CSMD1: variants seen among roughly 807,000 people sequenced by gnomAD.
CSMD1 encodes CUB and Sushi multiple domains 1, also known as CUB and sushi domain-containing protein 1.
Under a neutral mutation model 417.5 loss-of-function variants are expected in CSMD1, and 213 were observed. That is an observed-to-expected ratio of 0.51 (90% CI 0.46 to 0.57). The LOEUF is 0.57. CSMD1 is among the 20% of genes least tolerant of loss of function. The probability of loss-of-function intolerance (pLI) is 0.00; values close to 1 mark genes in which losing one functional copy is unlikely to be tolerated. For missense variants in CSMD1, 6,923 were observed against 4,529.7 expected (o/e 1.53, Z -15.17); for synonymous variants, 2,862 against 1,736.8 (o/e 1.65, Z -16.11).
intron 1 of CSMD1, among the ~76,000 whole-genome samples, chr8:4,764,670 A>G (rs952287489): frequency 7.0e-6 from 1 of 142,888 alleles, no homozygotes. Context: ...ACTTTTCAAA[A>G]CATAAAAATT....
At chr8:4,627,859 C>A (rs548331214) in intron 2 of CSMD1, among the ~76,000 whole-genome samples, 1 of 152,102 alleles carries the variant, frequency 6.6e-6, no homozygotes, top group Non-Finnish European at 1.5e-5. Context: ...AAGGTTTTCA[C>A]CCTTGGCATT....
Position 4,054,263 on chromosome 8 carries a change from G to A in CSMD1, c.416-22164C>T, listed in dbSNP as rs139608955. 3.0e-4 allele frequency among the ~76,000 whole-genome samples: 40 copies of A among 132,218 alleles called. No homozygotes were observed. The East Asian group carries it at 8.7e-3, about 29-fold the overall frequency. The allele number at this position is 132,218 out of a possible 152,430, so 86.7% of individuals were successfully genotyped here. On this transcript the variant is annotated intron_variant, in intron 3 of 69. Transcript: ENST00000635120. ...GACAAATGACGACTTTGAGAGTTAA[G>A]AGGTGACGGGGAAGTGAAGATGTGG...
At chr8:4,922,438 T>A (rs1474762317) in intron 1 of CSMD1, among the ~76,000 whole-genome samples, 1 of 152,230 alleles carries the variant, frequency 6.6e-6, no homozygotes, top group Admixed American at 6.5e-5. Flanking sequence ...AAATGATATT[T>A]AGCAATAAGA....
At chr8:4,718,919 G>A (rs1349612303) in intron 1 of CSMD1, among the ~76,000 whole-genome samples, 2 of 152,022 alleles carry the variant, frequency 1.3e-5, no homozygotes, top group East Asian at 3.9e-4. Flanking sequence ...ATTAAAAAAT[G>A]AGAATGTTCA....
At chr8:3,002,703 G>C (rs1807518606) in intron 52 of CSMD1, among the ~76,000 whole-genome samples, 1 of 152,170 alleles carries the variant, frequency 6.6e-6, no homozygotes, top group African/African-American at 2.4e-5. Context: ...CACATAGTTT[G>C]AAGTTGCACT....
chr8:3,253,945 A>T (rs1012647566), intron 26 of CSMD1, among the ~76,000 whole-genome samples: 9 of 152,140 alleles, frequency 5.9e-5, no homozygotes, highest in South Asian at 4.1e-4. Flanking sequence ...TTTGCTCATT[A>T]GTTGATGCTG....
intron 3 of CSMD1, among the ~76,000 whole-genome samples, chr8:4,042,035 G>A (rs769210477): frequency 1.3e-5 from 2 of 151,938 alleles, no homozygotes; most frequent in Admixed American, 6.6e-5. Context: ...ATGAACTTTG[G>A]GACATCTCCA....
intron 2 of CSMD1, among the ~76,000 whole-genome samples, chr8:4,424,808 G>C (rs1443275011): frequency 6.6e-6 from 1 of 152,002 alleles, no homozygotes; most frequent in African/African-American, 2.4e-5. Flanking sequence ...TTATACCATA[G>C]TTTTGCCGGT....
chr8:3,628,650 G>A lies in CSMD1; in HGVS notation c.1010-11853C>T, dbSNP rs987182858. Among the ~76,000 whole-genome samples the A allele has an allele frequency of 2.6e-5, 4 of 152,152 alleles. No homozygotes were observed. The South Asian group carries it at 8.3e-4, about 32-fold the overall frequency. On this transcript the variant is annotated intron_variant, in intron 7 of 69. Transcript: ENST00000635120. Reference sequence around the variant, plus strand: ...GGAGGCAGCTCCCGCAGAGGGGAGGGCATGGGCATCCTCACAGGCGCCCCG... The same window carrying A: ...GGAGGCAGCTCCCGCAGAGGGGAGGACATGGGCATCCTCACAGGCGCCCCG...
chr8:3,279,670 A>T (rs1222597135), intron 26 of CSMD1, among the ~76,000 whole-genome samples: 1 of 152,066 alleles, frequency 6.6e-6, no homozygotes. Flanking sequence ...GGTTTAATTA[A>T]CTCACAGTTC....
At chr8:4,944,326 G>C (rs1038061558) in intron 1 of CSMD1, among the ~76,000 whole-genome samples, 15 of 152,200 alleles carry the variant, frequency 9.9e-5, no homozygotes, top group African/African-American at 3.4e-4. Context: ...ACCAAGAGAA[G>C]AAAGCTAGTT....
chr8:3,586,299 T>A lies in CSMD1; in HGVS notation c.1098-39A>T, dbSNP rs747815632. The stretch of plus-strand genomic sequence containing the variant: ...AAAGAAAAAAAAAAACCCAAATTAT[T>A]TACAGAAGACTTCTTTAGGAAAAAA... On this transcript the variant is annotated intron_variant, in intron 8 of 69. Transcript: ENST00000635120. 3.3e-6 allele frequency: 5 copies of A among 1,525,520 alleles called. No individual in the cohort carries two copies. In the South Asian group the frequency reaches 6.4e-5, roughly 20 times the overall value. The allele number at this position is 1,525,520 out of a possible 1,614,324, so 94.5% of individuals were successfully genotyped here.
intron 18 of CSMD1, 31 bp from the exon 19 acceptor site, chr8:3,369,401 A>G (rs1271806099): frequency 7.9e-6 from 8 of 1,015,050 alleles, no homozygotes; most frequent in Non-Finnish European, 1.2e-5. Context: ...TGATTACAGC[A>G]CTAAAGTTTC....
At position 4,280,324 on chromosome 8, in the gene CSMD1, G is replaced by A. The variant is rs537507592; in HGVS notation, c.415+139629C>T. 2.6e-5 allele frequency among the ~76,000 whole-genome samples: 4 copies of A among 152,244 alleles called. No homozygotes were observed. The South Asian group carries it at 8.3e-4, about 32-fold the overall frequency. On this transcript the variant is annotated intron_variant, in intron 3 of 69. Transcript: ENST00000635120. ...ATAAGCTTTGAAAGAGAGTGGATAT[G>A]TTACCACGTTCTGAAAAAATAATTT...
chr8:3,277,531 C>A (rs1463718435), intron 26 of CSMD1, among the ~76,000 whole-genome samples: 1 of 152,068 alleles, frequency 6.6e-6, no homozygotes, highest in Non-Finnish European at 1.5e-5. Context: ...GGTGTGAGAT[C>A]TACAGAGGTC....
In CSMD1 at chr8:3,959,251, G is replaced by C. The variant is rs538102236; in HGVS notation, c.818+38652C>G. 2.0e-4 allele frequency among the ~76,000 whole-genome samples: 30 copies of C among 152,210 alleles called. 1 individual carries two copies. Among genetic ancestry groups the C allele is most frequent in the Admixed American group, 1.4e-3 (21 of 15,286 alleles). On this transcript the variant is annotated intron_variant, in intron 5 of 69. Transcript: ENST00000635120. ...AGGGTGGGACACGTGTGTAATCCCA[G>C]CACTTTAGGATGCCAAGGCAGGAGG...
chr8:4,490,640 C>A (rs536697265), intron 2 of CSMD1, among the ~76,000 whole-genome samples: 1 of 152,148 alleles, frequency 6.6e-6, no homozygotes, highest in East Asian at 1.9e-4. Flanking sequence ...GAAAAATGCC[C>A]ATTTGACCCA....
chr8:4,100,041 T>C (rs1585312442), intron 3 of CSMD1, among the ~76,000 whole-genome samples: 2 of 152,214 alleles, frequency 1.3e-5, no homozygotes, highest in East Asian at 1.9e-4. Flanking sequence ...TATAATGTAA[T>C]AACGTGAGCA....
At chr8:4,626,622 G>C (rs1473431567) in intron 2 of CSMD1, among the ~76,000 whole-genome samples, 1 of 152,072 alleles carries the variant, frequency 6.6e-6, no homozygotes, top group Non-Finnish European at 1.5e-5. Flanking sequence ...CAGGGGGCAG[G>C]GTGTGGGAGG....
Sources: allele counts gnomAD v4.1 joint callset (sites outside exome capture counted in the v4.1 genomes callset), GRCh38; gene constraint gnomAD v4.1.1; transcripts MANE v1.5; gene names NCBI Gene and HGNC (gene_info 2026-07-23, HGNC 2026-07-21).